MGAT4C: variants seen among roughly 807,000 people sequenced by gnomAD.
MGAT4C encodes alpha-1,3-mannosyl-glycoprotein 4-beta-N-acetylglucosaminyltransferase C.
In MGAT4C, 19 loss-of-function variants were observed where a neutral mutation model predicts 40.1. The observed-to-expected ratio is 0.47, with a 90% CI of 0.33 to 0.70. MGAT4C has a LOEUF of 0.70. Ranked by LOEUF, MGAT4C falls within the 30% of genes least tolerant of loss-of-function variation. The pLI is 0.02. For missense variants in MGAT4C, 491 were observed against 563.2 expected, an observed-to-expected ratio of 0.87 and a Z score of 1.30; for synonymous variants, 181 against 187.1, an observed-to-expected ratio of 0.97 and a Z score of 0.27.
At chr12:86,564,677 G>A (rs1592991151) in intron 2 of MGAT4C, among the ~76,000 whole-genome samples, 1 of 152,212 alleles carries the variant, frequency 6.6e-6, no homozygotes, top group Non-Finnish European at 1.5e-5. Context: ...AAGATAAGTT[G>A]CTGTATTTGC....
At chr12:86,120,899 G>A (rs529857845) in intron 1 of MGAT4C, among the ~76,000 whole-genome samples, 1 of 152,332 alleles carries the variant, frequency 6.6e-6, no homozygotes, top group African/African-American at 2.4e-5. Context: ...GAATGACTTT[G>A]ACGAGTTGAG....
At chr12:86,190,445 T>C (rs187079778) in intron 1 of MGAT4C, among the ~76,000 whole-genome samples, 6 of 152,226 alleles carry the variant, frequency 3.9e-5, no homozygotes, top group African/African-American at 1.4e-4. Context: ...ATGAACAAAT[T>C]TTCACATTTA....
intron 3 of MGAT4C, among the ~76,000 whole-genome samples, chr12:86,361,011 A>C (rs1452266689): frequency 6.9e-6 from 1 of 145,502 alleles, no homozygotes; most frequent in African/African-American, 2.6e-5. Flanking sequence ...GAACCAAAAT[A>C]GAGCCTGCAT....
At chr12:86,225,812 A>G (rs955390077) in intron 1 of MGAT4C, among the ~76,000 whole-genome samples, 6 of 152,102 alleles carry the variant, frequency 3.9e-5, no homozygotes, top group Admixed American at 1.3e-4. Context: ...TAAAGGCCAA[A>G]TATGACACAC....
intron 2 of MGAT4C, among the ~76,000 whole-genome samples, chr12:86,709,359 G>C (rs910349219): frequency 3.3e-5 from 5 of 152,120 alleles, no homozygotes; most frequent in African/African-American, 1.2e-4. Context: ...TCTCAGGTAT[G>C]TCTTTATCAG....
intron 2 of MGAT4C, among the ~76,000 whole-genome samples, chr12:86,008,947 A>G (rs10863142): frequency 0.26 from 38,859 of 151,942 alleles, 5,662 homozygotes; most frequent in Non-Finnish European, 0.33. Flanking sequence ...TATACATTAA[A>G]TAATTATATA....
intron 2 of MGAT4C, among the ~76,000 whole-genome samples, chr12:86,526,110 G>A (rs1317884700): frequency 6.6e-6 from 1 of 152,216 alleles, no homozygotes; most frequent in Non-Finnish European, 1.5e-5. Flanking sequence ...GTCAGGTGGT[G>A]TTGGCACAGG....
chr12:86,242,604 T>C (rs1951835913), intron 1 of MGAT4C, among the ~76,000 whole-genome samples: 1 of 152,194 alleles, frequency 6.6e-6, no homozygotes, highest in South Asian at 2.1e-4. Flanking sequence ...ACCGATTTTA[T>C]GATTTTATTT....
At chr12:86,263,546 T>C (rs1168508726) in intron 4 of MGAT4C, among the ~76,000 whole-genome samples, 2 of 152,206 alleles carry the variant, frequency 1.3e-5, no homozygotes, top group Non-Finnish European at 2.9e-5. Context: ...ATTGTGTATA[T>C]ATGCCAAATT....
At chr12:86,034,563 T>G (rs1891048575) in intron 2 of MGAT4C, among the ~76,000 whole-genome samples, 1 of 129,012 alleles carries the variant, frequency 7.8e-6, no homozygotes, top group Admixed American at 7.8e-5. Flanking sequence ...CTGAGGGTTT[T>G]TTGTTGTTGT....
intron 1 of MGAT4C, among the ~76,000 whole-genome samples, chr12:86,802,660 C>G (rs1952255237): frequency 6.6e-6 from 1 of 150,736 alleles, no homozygotes; most frequent in South Asian, 2.1e-4. Context: ...AACTCCCATT[C>G]ACAATTGCTT....
chr12:86,245,305 T>C (rs1951977681), intron 1 of MGAT4C, among the ~76,000 whole-genome samples: 1 of 152,188 alleles, frequency 6.6e-6, no homozygotes, highest in Admixed American at 6.5e-5. Context: ...GGTCCCAGGT[T>C]AGCATGCCAG....
At chr12:86,610,564 T>TG (rs1962215789) in intron 2 of MGAT4C, among the ~76,000 whole-genome samples, 1 of 151,058 alleles carries the variant, frequency 6.6e-6, no homozygotes, top group Non-Finnish European at 1.5e-5. Context: ...GTTTTTTGTT[T>TG]TTTTTTCATT....
At chr12:86,741,521 T>G (rs2136130597) in intron 1 of MGAT4C, among the ~76,000 whole-genome samples, 1 of 151,526 alleles carries the variant, frequency 6.6e-6, no homozygotes, top group South Asian at 2.1e-4. Context: ...CAACGTGTTT[T>G]GTTTGGTGGC....
At chr12:86,705,318 G>A (rs895568105) in intron 2 of MGAT4C, among the ~76,000 whole-genome samples, 3 of 151,602 alleles carry the variant, frequency 2.0e-5, no homozygotes, top group East Asian at 1.9e-4. Flanking sequence ...AATACAATTG[G>A]TTATAATATT....
intron 4 of MGAT4C, among the ~76,000 whole-genome samples, chr12:86,284,928 T>C (rs1271075452): frequency 6.6e-6 from 1 of 152,028 alleles, no homozygotes; most frequent in Non-Finnish European, 1.5e-5. Context: ...CCTTATGTAA[T>C]AGTATTAATT....
chr12:86,502,742 A>ATG (rs1173198269), intron 2 of MGAT4C, among the ~76,000 whole-genome samples: 7 of 138,224 alleles, frequency 5.1e-5, no homozygotes, highest in South Asian at 2.2e-4. Flanking sequence ...GCTCATATAT[A>ATG]AATACACGAG....
At chr12:86,657,956 T>C (rs1963890799) in intron 2 of MGAT4C, among the ~76,000 whole-genome samples, 1 of 152,004 alleles carries the variant, frequency 6.6e-6, no homozygotes, top group Admixed American at 6.6e-5. Flanking sequence ...AAATATTCTA[T>C]AAAGAACATA....
chr12:86,816,437 T>C (rs951613775), intron 1 of MGAT4C, among the ~76,000 whole-genome samples: 1 of 151,814 alleles, frequency 6.6e-6, no homozygotes, highest in African/African-American at 2.4e-5. Flanking sequence ...ACATTGCTGG[T>C]ATAGGTTTCA....
Sources: allele counts gnomAD v4.1 joint callset (sites outside exome capture counted in the v4.1 genomes callset), GRCh38; gene constraint gnomAD v4.1.1; transcripts MANE v1.5; gene names NCBI Gene and HGNC (gene_info 2026-07-23, HGNC 2026-07-21).